Variants in UVRAG observed in about 807,000 individuals in gnomAD.
UVRAG encodes UV radiation resistance-associated gene protein.
A neutral mutation model predicts 78.0 loss-of-function variants in UVRAG; 19 were observed. The observed-to-expected ratio is 0.24, with a 90% CI of 0.17 to 0.36. The LOEUF is 0.36. UVRAG is among the 10% of genes least tolerant of loss of function. UVRAG has a pLI of 1.00. For missense variants in UVRAG, 740 were observed against 853.8 expected (o/e 0.87, Z 1.66); for synonymous variants, 323 against 324.6 (o/e 1.00, Z 0.05).
At chr11:75,819,410 C>T (rs1215991844) in intron 1 of UVRAG, among the ~76,000 whole-genome samples, 1 of 152,002 alleles carries the variant, frequency 6.6e-6, no homozygotes, top group African/African-American at 2.4e-5. Context: ...TGCAGTGGTG[C>T]AATCTCCTCT....
chr11:76,059,687 G>A (rs78751859), intron 12 of UVRAG, among the ~76,000 whole-genome samples: 258 of 152,278 alleles, frequency 1.7e-3, no homozygotes, highest in Admixed American at 2.9e-3. Context: ...ATGTTACAGA[G>A]GGGAAATGAT....
intron 8 of UVRAG, among the ~76,000 whole-genome samples, chr11:75,997,981 A>G (rs1949738509): frequency 6.6e-6 from 1 of 152,340 alleles, no homozygotes; most frequent in African/African-American, 2.4e-5. Flanking sequence ...CATGGTAGAA[A>G]GTTGCAGTAG....
chr11:75,996,289 G>A (rs556630396), intron 8 of UVRAG, among the ~76,000 whole-genome samples: 5 of 152,038 alleles, frequency 3.3e-5, no homozygotes, highest in Non-Finnish European at 7.4e-5. Flanking sequence ...GAAGATAGAA[G>A]TAAAAAGAGA....
intron 5 of UVRAG, among the ~76,000 whole-genome samples, chr11:75,904,481 C>T (rs1237616488): frequency 6.6e-6 from 1 of 152,170 alleles, no homozygotes; most frequent in Non-Finnish European, 1.5e-5. Context: ...TCATTCAGAA[C>T]AAGGCTCTTA....
chr11:75,815,520 A>G lies in UVRAG; in HGVS notation c.113A>G (p.Gln38Arg). The change falls in exon 1 of 15, where the codon CAG (glutamine) becomes CGG (arginine). Residue 38 changes from glutamine to arginine, a missense_variant. Coordinates refer to ENST00000356136, the MANE Select transcript of UVRAG (RefSeq NM_003369.4). Reference sequence around the variant, plus strand: ...GCCCTGCATGTGGAGCTGCCGTCTCAGCAGGTAAGCCCGCGCGGCTCGCAG... The same window carrying G: ...GCCCTGCATGTGGAGCTGCCGTCTCGGCAGGTAAGCCCGCGCGGCTCGCAG... ...ARALHVELPS[Q>R]QRRLRHLRNI... is the part of the protein sequence containing the mutation. 8.1e-7 allele frequency: 1 copy of G among 1,236,644 alleles called. No homozygotes were observed. Among genetic ancestry groups the G allele is most frequent in the Non-Finnish European group, 1.0e-6 (1 of 989,472 alleles). The allele number at this position is 1,236,644 out of a possible 1,614,324, so 76.6% of individuals were successfully genotyped here.
At chr11:76,110,211 C>CATATATATATATATATATTT (rs1554992347) in intron 13 of UVRAG, among the ~76,000 whole-genome samples, 1 of 136,644 alleles carries the variant, frequency 7.3e-6, no homozygotes, top group African/African-American at 3.0e-5. Flanking sequence ...ATATCTGGTA[C>CATATATATATATATATATTT]ATATATATAT....
intron 7 of UVRAG, among the ~76,000 whole-genome samples, chr11:75,965,575 A>G (rs1044764893): frequency 4.3e-4 from 66 of 152,300 alleles, no homozygotes; most frequent in African/African-American, 1.6e-3. Context: ...TTGGCCTCCC[A>G]AAGTGCTGGG....
intron 1 of UVRAG, among the ~76,000 whole-genome samples, chr11:75,844,817 T>G (rs1048699711): frequency 1.3e-5 from 2 of 151,894 alleles, no homozygotes; most frequent in African/African-American, 4.8e-5. Context: ...GGAACTACAT[T>G]CATGTGCCAC....
intron 3 of UVRAG, among the ~76,000 whole-genome samples, chr11:75,867,377 G>A (rs1946559407): frequency 6.6e-6 from 1 of 152,100 alleles, no homozygotes; most frequent in Non-Finnish European, 1.5e-5. Flanking sequence ...GCTTTTGTAT[G>A]AATGAAATAA....
At chr11:75,841,553 T>C (rs1009340811) in intron 1 of UVRAG, among the ~76,000 whole-genome samples, 6 of 152,186 alleles carry the variant, frequency 3.9e-5, no homozygotes, top group Non-Finnish European at 8.8e-5. Context: ...ACTGGTAATA[T>C]GGTTTTCCAT....
At chr11:75,973,644 G>A (rs190608245) in intron 7 of UVRAG, among the ~76,000 whole-genome samples, 1 of 152,190 alleles carries the variant, frequency 6.6e-6, no homozygotes, top group African/African-American at 2.4e-5. Context: ...TGCCATGTTG[G>A]TGTGCTGCAC....
At chr11:75,890,988 A>C in intron 5 of UVRAG, among the ~76,000 whole-genome samples, 1 of 151,992 alleles carries the variant, frequency 6.6e-6, no homozygotes. Context: ...GGAGAGAGTG[A>C]TCAAATAGGA....
rs1951281780 is a variant in UVRAG at position 76,070,485 on chromosome 11, T to G, written c.1305+4697T>G. On this transcript the variant is annotated intron_variant, in intron 13 of 14. Transcript: ENST00000356136. ...TCACACACACCCATGAATATGTTAATTTGTTTGACTGCTATAATCATTTCA... is the reference window on the plus strand; with the variant it reads ...TCACACACACCCATGAATATGTTAAGTTGTTTGACTGCTATAATCATTTCA... Among the ~76,000 whole-genome samples, 2 of 147,744 alleles carry G rather than the reference T, an allele frequency of 1.4e-5. 1 individual carries two copies. Among genetic ancestry groups the G allele is most frequent in the South Asian group, 4.1e-4 (2 of 4,828 alleles).
At chr11:75,839,700 C>A (rs1945863874) in intron 1 of UVRAG, among the ~76,000 whole-genome samples, 2 of 151,472 alleles carry the variant, frequency 1.3e-5, no homozygotes, top group Admixed American at 1.3e-4. Context: ...ATACTTTAAA[C>A]CATTTTTATT....
Position 76,063,203 on chromosome 11 carries a change from T to C in UVRAG, c.1227-2507T>C, listed in dbSNP as rs115675197. On this transcript the variant is annotated intron_variant, in intron 12 of 14. Coordinates refer to ENST00000356136, the MANE Select transcript of UVRAG (RefSeq NM_003369.4). Reference sequence around the variant, plus strand: ...GAGGAAGAAAATAAAATTTCTGCCCTCTTGGAGCCTACAGTATCATAAGGG... The same window carrying C: ...GAGGAAGAAAATAAAATTTCTGCCCCCTTGGAGCCTACAGTATCATAAGGG... Among the ~76,000 whole-genome samples, 738 of 152,332 alleles carry C rather than the reference T, an allele frequency of 4.8e-3. 9 individuals carry two copies. The highest frequency in any genetic ancestry group is 0.017 in the African/African-American group (690 of 41,566).
intron 6 of UVRAG, among the ~76,000 whole-genome samples, chr11:75,932,085 C>T (rs959858711): frequency 6.6e-6 from 1 of 151,980 alleles, no homozygotes; most frequent in Non-Finnish European, 1.5e-5. Flanking sequence ...ATGTGAATTC[C>T]AACCTTCTTT....
At chr11:76,125,256 A>G (rs1952363159) in intron 14 of UVRAG, among the ~76,000 whole-genome samples, 1 of 152,222 alleles carries the variant, frequency 6.6e-6, no homozygotes, top group Non-Finnish European at 1.5e-5. Flanking sequence ...CACCCCTAAT[A>G]TGAAAAGTTA....
At chr11:76,090,366 A>G (rs1216015276) in intron 13 of UVRAG, among the ~76,000 whole-genome samples, 1 of 152,168 alleles carries the variant, frequency 6.6e-6, no homozygotes, top group Non-Finnish European at 1.5e-5. Context: ...ATGAATATTC[A>G]TAACTCCTCC....
chr11:76,082,178 T>C (rs1057116796), intron 13 of UVRAG, among the ~76,000 whole-genome samples: 1 of 152,192 alleles, frequency 6.6e-6, no homozygotes, highest in African/African-American at 2.4e-5. Context: ...TTTATAATCC[T>C]GATCCTTTAA....
Sources: gnomAD v4.1 joint callset for allele counts (sites outside exome capture counted in the v4.1 genomes callset) on GRCh38, gnomAD v4.1.1 for gene constraint, MANE v1.5 for transcripts, NCBI Gene and HGNC (gene_info 2026-07-23, HGNC 2026-07-21) for gene names.